The following KLHDC3 variants were observed in gnomAD, a reference collection of about 807,000 sequenced individuals.
The protein encoded by KLHDC3 is kelch domain containing 3.
KLHDC3 carries 5 observed loss-of-function variants against 44.1 expected under a neutral mutation model. The observed-to-expected ratio is 0.11, with a 90% CI of 0.06 to 0.24. KLHDC3 has a LOEUF of 0.24. Ranked by LOEUF, KLHDC3 falls within the 10% of genes least tolerant of loss-of-function variation. The pLI, the probability that KLHDC3 is intolerant of heterozygous loss-of-function variation, is 1.00. For missense variants in KLHDC3, 247 were observed against 514.3 expected (o/e 0.48, Z 5.03); for synonymous variants, 170 against 189.0 (o/e 0.90, Z 0.82).
chr6:43,017,806 A>G lies in KLHDC3; in HGVS notation c.332-47A>G. 2 of 1,587,432 alleles carry G rather than the reference A, an allele frequency of 1.3e-6. No individual in the cohort carries two copies. The highest frequency in any genetic ancestry group is 1.7e-6 in the Non-Finnish European group (2 of 1,157,896). ...TAGAGTACCCCAGAGCTGAGGAGGGACTGTCATAGAGGGTGCTTAGTTGAG... is the reference window on the plus strand; with the variant it reads ...TAGAGTACCCCAGAGCTGAGGAGGGGCTGTCATAGAGGGTGCTTAGTTGAG... On this transcript the variant is annotated intron_variant, in intron 3 of 10. Transcript: ENST00000326974. This position sits in a 1 kb window ranked among gnomAD's most constrained non-coding sequence, Gnocchi z 6.0.
chr6:43,014,695 G>A (rs1025348984), intron 1 of KLHDC3: 5 of 449,064 alleles, frequency 1.1e-5, no homozygotes, highest in African/African-American at 2.0e-5. Flanking sequence ...AGAGTCATAT[G>A]CAGAGAGGGG....
intron 1 of KLHDC3, chr6:43,016,869 G>T: frequency 2.7e-6 from 1 of 366,438 alleles, no homozygotes; most frequent in Non-Finnish European, 5.1e-6. Context: ...TTGTGACCAT[G>T]ATATGCAGAT....
rs1762641888 is a variant in KLHDC3, at chr6:43,019,275, T to C, written c.1004-13T>C. 6.2e-7 allele frequency: 1 copy of C among 1,608,240 alleles called. No homozygotes were observed. The highest frequency in any genetic ancestry group is 1.3e-5 in the African/African-American group (1 of 74,746). On this transcript the variant is annotated splice_polypyrimidine_tract_variant and intron_variant, in intron 9 of 10. Transcript: ENST00000326974. The stretch of plus-strand genomic sequence containing the variant: ...CCTTTGACCATCTCCTTTCCACAAC[T>C]TCTCCCTTAAAGGCCCTAGTCTGAA...
rs543264283 is a variant in KLHDC3 at position 43,020,528 on chromosome 6, C to T, written c.1083-139C>T. ...GTTCTGATTGTTCAACCTAGTAGGT[C>T]TCTTAAGTAAGAGGTGGCTGTGGGT... On this transcript the variant is annotated intron_variant, in intron 10 of 10. Transcript: ENST00000326974. 1.1e-4 allele frequency: 75 copies of T among 663,126 alleles called. 1 individual carries two copies. Among genetic ancestry groups the T allele is most frequent in the African/African-American group, 1.1e-3 (59 of 55,740 alleles). The allele number at this position is 663,126 out of a possible 1,614,324, so 41.1% of individuals were successfully genotyped here. A position where few individuals can be genotyped will look rare whatever the true frequency, so the allele number is the denominator to read the frequency against.
intron 10 of KLHDC3, 93 bp from the exon 11 acceptor site, chr6:43,020,574 G>A (rs1187110294): frequency 2.0e-6 from 2 of 991,448 alleles, no homozygotes; most frequent in Non-Finnish European, 3.2e-6. Context: ...TAGGAAGTTG[G>A]AGAGACTGGT....
At chr6:43,020,519 C>CT in intron 10 of KLHDC3, 148 bp from the exon 11 acceptor site, 1 of 642,114 alleles carries the variant, frequency 1.6e-6, no homozygotes, top group Admixed American at 2.4e-5. Context: ...ATTGTTCAAC[C>CT]TAGTAGGTCT....
chr6:43,018,787 G>C lies in KLHDC3; in HGVS notation c.820+68G>C, dbSNP rs1410647691. 6.4e-7 allele frequency: 1 copy of C among 1,554,288 alleles called. No homozygotes were observed. The highest frequency in any genetic ancestry group is 1.4e-5 in the African/African-American group (1 of 73,666). ...GGTGGGAGGAAAAGAAAATAATCCT[G>C]AGGCGGTGAGGGATGGGGGTGGGGA... On this transcript the variant is annotated intron_variant, in intron 7 of 10. Coordinates refer to ENST00000326974, the MANE Select transcript of KLHDC3 (RefSeq NM_057161.4). The surrounding 1 kb of genome is among the most constrained non-coding windows in gnomAD (Gnocchi z 6.0).
Position 43,017,081 on chromosome 6 carries a change from T to C in KLHDC3, c.-59-53T>C. 7.7e-7 allele frequency: 1 copy of C among 1,291,584 alleles called. No individual in the cohort carries two copies. Among genetic ancestry groups the C allele is most frequent in the Non-Finnish European group, 1.1e-6 (1 of 928,990 alleles). The allele number at this position is 1,291,584 out of a possible 1,614,324, so 80.0% of individuals were successfully genotyped here. A position where few individuals can be genotyped will look rare whatever the true frequency, so the allele number is the denominator to read the frequency against. ...AGGCTGGTTCTGGGCAGAGTCACAG[T>C]GAGCTGGGCAGAAGCCTCGCCTGAG... is the stretch of plus-strand genomic sequence containing the variant. On this transcript the variant is annotated intron_variant, in intron 1 of 10. Transcript: ENST00000326974. The surrounding 1 kb of genome is among the most constrained non-coding windows in gnomAD (Gnocchi z 6.0).
chr6:43,015,852 TAAA>T (rs561042959), intron 1 of KLHDC3, among the ~76,000 whole-genome samples: 7 of 100,552 alleles, frequency 7.0e-5, no homozygotes, highest in South Asian at 3.7e-4. Flanking sequence ...AGACTTCATC[TAAA>T]AAAAAAAAAA....
chr6:43,019,806 C>A (rs1389458363), intron 10 of KLHDC3, among the ~76,000 whole-genome samples: 1 of 152,154 alleles, frequency 6.6e-6, no homozygotes, highest in South Asian at 2.1e-4. Context: ...TCAAATTAAC[C>A]ACCAGATGTT....
At position 43,021,188 on chromosome 6, in the gene KLHDC3, T is replaced by C. The variant is rs1440729256; in HGVS notation, c.*455T>C. Reference sequence around the variant, plus strand: ...GGCATGAGACCTCCTTCTCCCCGTCTTGGGGAGGTGGGGACCAGCAGATAA... The same window carrying C: ...GGCATGAGACCTCCTTCTCCCCGTCCTGGGGAGGTGGGGACCAGCAGATAA... On this transcript the variant is annotated 3_prime_UTR_variant, in exon 11 of 11. Transcript: ENST00000326974. The C allele has an allele frequency of 2.3e-6, 1 of 440,868 alleles. No individual in the cohort carries two copies. The highest frequency in any genetic ancestry group is 2.5e-5 in the Admixed American group (1 of 40,556). 27.3% of individuals were successfully genotyped at this position (440,868 alleles called of 1,614,324 possible).
chr6:43,020,872 G>A lies in KLHDC3; in HGVS notation c.*139G>A. ...TTGTTGGGCGAGAGGTGTTCTCTGTGCTGTGAATTCAGTGGGGAGCTGTAG... is the reference window on the plus strand; with the variant it reads ...TTGTTGGGCGAGAGGTGTTCTCTGTACTGTGAATTCAGTGGGGAGCTGTAG... On this transcript the variant is annotated 3_prime_UTR_variant, in exon 11 of 11. Coordinates refer to ENST00000326974, the MANE Select transcript of KLHDC3 (RefSeq NM_057161.4). 1.4e-6 allele frequency: 1 copy of A among 732,980 alleles called. No homozygotes were observed. Among genetic ancestry groups the A allele is most frequent in the Non-Finnish European group, 2.4e-6 (1 of 410,652 alleles). The allele number at this position is 732,980 out of a possible 1,614,324, so 45.4% of individuals were successfully genotyped here.
At position 43,021,091 on chromosome 6, in the gene KLHDC3, C is replaced by T. The variant is rs961613903; in HGVS notation, c.*358C>T. ...CTGAGCCTCAGGAGCTTCCCCCTCC[C>T]CCTTTGCCTATCCCCTCCCCTCTGC... On this transcript the variant is annotated 3_prime_UTR_variant, in exon 11 of 11. Coordinates refer to ENST00000326974, the MANE Select transcript of KLHDC3 (RefSeq NM_057161.4). 4.1e-6 allele frequency: 2 copies of T among 485,620 alleles called. No homozygotes were observed. Among genetic ancestry groups the T allele is most frequent in the Non-Finnish European group, 4.1e-6 (1 of 246,514 alleles). The allele number at this position is 485,620 out of a possible 1,614,324, so 30.1% of individuals were successfully genotyped here.
rs1762601073 is a variant in KLHDC3, at chr6:43,017,284, G to T, written c.92G>T (p.Gly31Val). 1 of 1,614,060 alleles carries T rather than the reference G, an allele frequency of 6.2e-7. No individual in the cohort carries two copies. The highest frequency in any genetic ancestry group is 1.1e-5 in the South Asian group (1 of 91,092). Residue 31 changes from glycine to valine, a missense_variant, in exon 2 of 11, where the codon GGT becomes GTT. Around this residue, in one of 2 missense-constraint regions of KLHDC3, gnomAD observed 71 missense variants for 100.8 expected, o/e 0.70. Transcript: ENST00000326974. This position sits in a 1 kb window ranked among gnomAD's most constrained non-coding sequence, Gnocchi z 6.0. ...AVGHRVYSFGGYCSGEDYETL... is the reference protein window; with the variant it reads ...AVGHRVYSFGVYCSGEDYETL... ...GGGCATCGGGTATACTCCTTCGGGG[G>T]TTACTGCTCTGGTGAAGACTATGAG...
Position 43,017,006 on chromosome 6 carries a change from C to T in KLHDC3, c.-59-128C>T, listed in dbSNP as rs1762594557. On this transcript the variant is annotated intron_variant, in intron 1 of 10. Coordinates refer to ENST00000326974, the MANE Select transcript of KLHDC3 (RefSeq NM_057161.4). The surrounding 1 kb of genome is among the most constrained non-coding windows in gnomAD (Gnocchi z 6.0). ...AGCCACCTGAGCTGAGACTAGTGCC[C>T]CTGTGGAGGGGTAGTGTGGGAGGGC... 4.4e-6 allele frequency: 3 copies of T among 676,580 alleles called. No individual in the cohort carries two copies. Among genetic ancestry groups the T allele is most frequent in the South Asian group, 3.6e-5 (2 of 55,854 alleles). 41.9% of individuals were successfully genotyped at this position (676,580 alleles called of 1,614,324 possible).
chr6:43,015,832 G>A (rs1186834417), intron 1 of KLHDC3, among the ~76,000 whole-genome samples: 1 of 144,610 alleles, frequency 6.9e-6, no homozygotes, highest in Non-Finnish European at 1.5e-5. Context: ...CCAGCCTGGG[G>A]GCAAGAGCGA....
In KLHDC3 at chr6:43,018,306, G is replaced by A; in HGVS notation, c.520-37G>A. On this transcript the variant is annotated intron_variant, in intron 5 of 10. Coordinates refer to ENST00000326974, the MANE Select transcript of KLHDC3 (RefSeq NM_057161.4). The surrounding 1 kb of genome is among the most constrained non-coding windows in gnomAD (Gnocchi z 6.0). ...CAGAGGAGATCCTCTTCCAGTCTTT[G>A]TGCTGACCCCTCCACCATCTCTCTG... 6.3e-7 allele frequency: 1 copy of A among 1,597,278 alleles called. No individual in the cohort carries two copies. The highest frequency in any genetic ancestry group is 8.6e-7 in the Non-Finnish European group (1 of 1,165,564).
At chr6:43,020,574 G>T in intron 10 of KLHDC3, 93 bp from the exon 11 acceptor site, 2 of 991,566 alleles carry the variant, frequency 2.0e-6, no homozygotes, top group Non-Finnish European at 3.2e-6. Context: ...TAGGAAGTTG[G>T]AGAGACTGGT....
Position 43,018,919 on chromosome 6 carries a change from C to T in KLHDC3, c.877C>T (p.Arg293Cys), listed in dbSNP as rs1762635671. ...GGGGAAGGGGCCATGTCCCCGCCGG[C>T]GCCAGTGCTGCTGTATTGTTGGTGA... ...PKGKGPCPRR[R>C]QCCCIVGDKI... is the part of the protein sequence containing the mutation. Residue 293 changes from arginine to cysteine, a missense_variant, in exon 8 of 11, where the codon CGC becomes TGC. Around this residue, in one of 2 missense-constraint regions of KLHDC3, gnomAD observed 176 missense variants for 413.5 expected, o/e 0.43. Coordinates refer to ENST00000326974, the MANE Select transcript of KLHDC3 (RefSeq NM_057161.4). The surrounding 1 kb of genome is among the most constrained non-coding windows in gnomAD (Gnocchi z 6.0). 6.2e-7 allele frequency: 1 copy of T among 1,612,940 alleles called. No individual in the cohort carries two copies. The highest frequency in any genetic ancestry group is 8.5e-7 in the Non-Finnish European group (1 of 1,179,406).
Sources: allele counts gnomAD v4.1 joint callset (sites outside exome capture counted in the v4.1 genomes callset), GRCh38; gene constraint gnomAD v4.1.1; regional missense constraint gnomAD v4.1.1; non-coding constraint Gnocchi (gnomAD v3.1); transcripts MANE v1.5; gene names NCBI Gene and HGNC (gene_info 2026-07-23, HGNC 2026-07-21).